LAMA2: variants seen among roughly 807,000 people sequenced by gnomAD.
The protein encoded by LAMA2 is laminin subunit alpha-2.
Under a neutral mutation model 364.8 loss-of-function variants are expected in LAMA2, and 269 were observed. The ratio of observed to expected loss-of-function variants is 0.74; its 90% confidence interval spans 0.67 to 0.82. LAMA2 has a LOEUF of 0.82. LAMA2 is among the 40% of genes least tolerant of loss of function. The pLI, the probability that LAMA2 is intolerant of heterozygous loss-of-function variation, is 0.00. For missense variants in LAMA2, 3,807 were observed against 3,873.2 expected (o/e 0.98, Z 0.45); for synonymous variants, 1,379 against 1,370.6 (o/e 1.01, Z -0.14).
intron 1 of LAMA2, among the ~76,000 whole-genome samples, chr6:129,013,436 C>CAA (rs570882162): frequency 0.022 from 2,986 of 137,526 alleles, 91 homozygotes; most frequent in African/African-American, 0.074. Context: ...GACTCCATCT[C>CAA]AAAAAAAAAA....
intron 51 of LAMA2, among the ~76,000 whole-genome samples, chr6:129,465,681 G>T (rs1432184945): frequency 6.6e-6 from 1 of 151,816 alleles, no homozygotes; most frequent in African/African-American, 2.4e-5. Context: ...TCAGTTCTTT[G>T]CTCATTTAAA....
intron 1 of LAMA2, among the ~76,000 whole-genome samples, chr6:128,939,739 A>T (rs1780045344): frequency 6.6e-6 from 1 of 152,114 alleles, no homozygotes; most frequent in Non-Finnish European, 1.5e-5. Flanking sequence ...GGGAATAGGC[A>T]TCTCTTTATT....
chr6:129,508,495 C>T (rs1221133451), intron 62 of LAMA2, among the ~76,000 whole-genome samples: 1 of 151,710 alleles, frequency 6.6e-6, no homozygotes, highest in Non-Finnish European at 1.5e-5. Flanking sequence ...TATCATTAAC[C>T]ATCCCTACTC....
Position 129,383,297 on chromosome 6 carries a change from C to A in LAMA2, c.5071+64C>A. On this transcript the variant is annotated intron_variant, in intron 35 of 64. Coordinates refer to ENST00000421865, the MANE Select transcript of LAMA2 (RefSeq NM_000426.4). ...AACAGAAAAACACAGAAAGGGATGA[C>A]ACAGGACTGGAATTTCTCTTGTTAT... 8.2e-6 allele frequency: 10 copies of A among 1,222,014 alleles called. 1 individual carries two copies. The South Asian group carries it at 1.3e-4, about 15-fold the overall frequency. 75.7% of individuals were successfully genotyped at this position (1,222,014 alleles called of 1,614,324 possible).
chr6:129,158,011 T>C (rs1392136770), intron 8 of LAMA2: 1 of 1,613,514 alleles, frequency 6.2e-7, no homozygotes, highest in Non-Finnish European at 8.5e-7. Context: ...CCATTTTTCT[T>C]GATGAGGATG....
At chr6:129,300,667 AACTCAAC>A in intron 21 of LAMA2, 62 bp from the exon 22 acceptor site, 1 of 1,508,824 alleles carries the variant, frequency 6.6e-7, no homozygotes, top group Non-Finnish European at 9.2e-7. Context: ...CACAATATAA[AACTCAAC>A]ACTTTGTGTC....
At chr6:129,259,798 A>T (rs1198384477) in intron 14 of LAMA2, among the ~76,000 whole-genome samples, 1 of 152,074 alleles carries the variant, frequency 6.6e-6, no homozygotes, top group Admixed American at 6.6e-5. Context: ...GCCTAGAAAG[A>T]ATAAGTTATT....
At chr6:128,908,228 A>C (rs1358682927) in intron 1 of LAMA2, among the ~76,000 whole-genome samples, 1 of 149,612 alleles carries the variant, frequency 6.7e-6, no homozygotes, top group East Asian at 2.0e-4. Context: ...TCCTCCTTGT[A>C]CCTCTGGTAG....
In LAMA2 at chr6:129,481,311, C is replaced by T; in HGVS notation, c.7621C>T (p.Pro2541Ser). The part of the protein sequence containing the change: ...FPKPGFVELS[P>S]VPIDVGTEIN... ...TAAGCCTGGTTTTGTGGAGCTCTCC[C>T]CTGTGCCAATTGATGTAGGAACAGA... is the stretch of plus-strand genomic sequence containing the variant. Residue 2541 changes from proline to serine, a missense_variant, in exon 55 of 65, where the codon CCT becomes TCT. This residue lies in a region of LAMA2 where 3,333 missense variants were observed against 3,345.7 expected (regional missense o/e 1.00). Coordinates refer to ENST00000421865, the MANE Select transcript of LAMA2 (RefSeq NM_000426.4). The T allele has an allele frequency of 3.7e-6, 6 of 1,613,762 alleles. No individual in the cohort carries two copies. The highest frequency in any genetic ancestry group is 5.1e-6 in the Non-Finnish European group (6 of 1,179,786).
intron 1 of LAMA2, among the ~76,000 whole-genome samples, chr6:129,041,322 T>C (rs1787077437): frequency 6.6e-6 from 1 of 152,284 alleles, no homozygotes; most frequent in South Asian, 2.1e-4. Flanking sequence ...AAGTTCTTCA[T>C]TTATATGAGA....
At position 128,947,836 on chromosome 6, in the gene LAMA2, CATT is replaced by C. The variant is rs370234306; in HGVS notation, c.112+64482_112+64484del. Among the ~76,000 whole-genome samples, 91 of 152,016 alleles carry C rather than the reference CATT, an allele frequency of 6.0e-4. 2 individuals are homozygous for C. Among genetic ancestry groups the C allele is most frequent in the African/African-American group, 2.1e-3 (89 of 41,454 alleles). On this transcript the variant is annotated intron_variant, in intron 1 of 64. Coordinates refer to ENST00000421865, the MANE Select transcript of LAMA2 (RefSeq NM_000426.4). ...GTTATAAAGGGAGAGGCTTAAGTAT[CATT>C]ATAATATGAGCAGAAATTGCAAAGA...
Position 128,946,211 on chromosome 6 carries a change from A to C in LAMA2, c.112+62854A>C, listed in dbSNP as rs1780474345. ...TATTATACAGTAATAAAAACCAAAT[A>C]CAAAAGATTAAAAAGAAATCTAAGT... On this transcript the variant is annotated intron_variant, in intron 1 of 64. Transcript: ENST00000421865. 2.6e-5 allele frequency among the ~76,000 whole-genome samples: 4 copies of C among 152,254 alleles called. No individual in the cohort carries two copies. In the South Asian group the frequency reaches 8.3e-4, roughly 31 times the overall value.
chr6:129,173,003 G>T (rs1780310872), intron 9 of LAMA2, among the ~76,000 whole-genome samples: 1 of 152,230 alleles, frequency 6.6e-6, no homozygotes. Context: ...CGCTTCCCAA[G>T]TGAGGCAATG....
At chr6:128,993,494 A>G (rs1373672428) in intron 1 of LAMA2, among the ~76,000 whole-genome samples, 1 of 152,184 alleles carries the variant, frequency 6.6e-6, no homozygotes, top group African/African-American at 2.4e-5. Context: ...GTACATTTCT[A>G]TTCTGTCTTT....
intron 12 of LAMA2, among the ~76,000 whole-genome samples, chr6:129,243,351 C>T (rs566812585): frequency 2.6e-4 from 40 of 152,044 alleles, no homozygotes; most frequent in Non-Finnish European, 5.3e-4. Flanking sequence ...CTCTATATGC[C>T]TTTCACAGTT....
At chr6:128,957,836 A>ATT (rs10652900) in intron 1 of LAMA2, among the ~76,000 whole-genome samples, 5,684 of 51,216 alleles carry the variant, frequency 0.11, 833 homozygotes, top group Middle Eastern at 0.19. Flanking sequence ...TACTTCATGC[A>ATT]TTTTTTTTTT....
At chr6:129,391,263 A>G (rs1298933374) in intron 35 of LAMA2, among the ~76,000 whole-genome samples, 1 of 152,106 alleles carries the variant, frequency 6.6e-6, no homozygotes, top group African/African-American at 2.4e-5. Flanking sequence ...TAGAAACACC[A>G]TGCTTTAATT....
intron 42 of LAMA2, among the ~76,000 whole-genome samples, chr6:129,439,785 G>A (rs1782008807): frequency 6.9e-6 from 1 of 144,218 alleles, no homozygotes; most frequent in South Asian, 2.2e-4. Context: ...CATACCAATT[G>A]GAGCAAAAAC....
chr6:129,195,796 G>A (rs766936061), intron 12 of LAMA2, among the ~76,000 whole-genome samples: 76 of 152,176 alleles, frequency 5.0e-4, no homozygotes, highest in Non-Finnish European at 1.0e-3. Context: ...GAATCCTGCT[G>A]GTTTGCTGCA....
Sources: allele counts gnomAD v4.1 joint callset (sites outside exome capture counted in the v4.1 genomes callset), GRCh38; gene constraint gnomAD v4.1.1; regional missense constraint gnomAD v4.1.1; transcripts MANE v1.5; gene names NCBI Gene and HGNC (gene_info 2026-07-23, HGNC 2026-07-21).